The following CSMD2 variants were observed in gnomAD, a reference collection of about 807,000 sequenced individuals.
CSMD2 encodes CUB and sushi domain-containing protein 2.
Under a neutral mutation model 398.5 loss-of-function variants are expected in CSMD2, and 130 were observed. The observed-to-expected ratio is 0.33, with a 90% CI of 0.28 to 0.38. The LOEUF (loss-of-function observed/expected upper bound fraction) is 0.38. CSMD2 is among the 10% of genes least tolerant of loss of function. CSMD2 has a pLI of 1.00. For missense variants in CSMD2, 3,829 were observed against 4,764.9 expected, an observed-to-expected ratio of 0.80 and a Z score of 5.78; for synonymous variants, 1,828 against 1,908.5, an observed-to-expected ratio of 0.96 and a Z score of 1.10.
intron 14 of CSMD2, among the ~76,000 whole-genome samples, chr1:33,741,989 A>G (rs1166325685): frequency 6.6e-6 from 1 of 152,232 alleles, no homozygotes; most frequent in Non-Finnish European, 1.5e-5. Flanking sequence ...AGCACACACC[A>G]GGCCCTGTGC....
At chr1:34,072,551 T>A (rs921694267) in intron 2 of CSMD2, among the ~76,000 whole-genome samples, 1 of 152,202 alleles carries the variant, frequency 6.6e-6, no homozygotes, top group Non-Finnish European at 1.5e-5. Flanking sequence ...CAATATCTCA[T>A]GATACTGCAG....
At chr1:33,702,564 A>G (rs1313736515) in intron 22 of CSMD2, among the ~76,000 whole-genome samples, 1 of 152,186 alleles carries the variant, frequency 6.6e-6, no homozygotes, top group East Asian at 1.9e-4. Context: ...TTCCTTGCAT[A>G]AATTTATGTT....
intron 15 of CSMD2, among the ~76,000 whole-genome samples, 170 bp from the exon 16 acceptor site, chr1:33,726,855 C>T (rs1443486023): frequency 1.3e-5 from 2 of 152,082 alleles, no homozygotes; most frequent in Non-Finnish European, 2.9e-5. Context: ...ATGGGTAGGT[C>T]CAGTTATATC....
chr1:34,092,173 G>A (rs9425903), intron 1 of CSMD2, among the ~76,000 whole-genome samples: 1 of 151,954 alleles, frequency 6.6e-6, no homozygotes, highest in African/African-American at 2.4e-5. Context: ...GTGCAGGCAC[G>A]ATATGAAAAT....
At chr1:33,679,463 G>A (rs1436242384) in intron 25 of CSMD2, among the ~76,000 whole-genome samples, 1 of 152,174 alleles carries the variant, frequency 6.6e-6, no homozygotes, top group Admixed American at 6.5e-5. Context: ...GTCTCCCAAA[G>A]TGTTGGGATT....
intron 3 of CSMD2, among the ~76,000 whole-genome samples, chr1:33,947,133 G>A (rs1644863222): frequency 6.6e-6 from 1 of 152,220 alleles, no homozygotes; most frequent in Non-Finnish European, 1.5e-5. Context: ...CTCTGAACCT[G>A]GCTGGAGGGT....
intron 12 of CSMD2, among the ~76,000 whole-genome samples, chr1:33,777,123 T>C (rs1440683608): frequency 6.6e-6 from 1 of 152,128 alleles, no homozygotes; most frequent in Non-Finnish European, 1.5e-5. Flanking sequence ...CGAGCAAGCA[T>C]ACGAGCCCCT....
At chr1:33,897,674 A>G (rs1642479561) in intron 5 of CSMD2, among the ~76,000 whole-genome samples, 1 of 152,214 alleles carries the variant, frequency 6.6e-6, no homozygotes, top group Non-Finnish European at 1.5e-5. Flanking sequence ...GTACTGTGGA[A>G]TCACCCAGGC....
intron 6 of CSMD2, among the ~76,000 whole-genome samples, chr1:33,846,092 G>A (rs1661323653): frequency 6.6e-6 from 1 of 152,194 alleles, no homozygotes; most frequent in Non-Finnish European, 1.5e-5. Flanking sequence ...TTGAATAAAC[G>A]CAATGTCGAA....
chr1:33,889,034 T>C (rs1314755575), intron 5 of CSMD2, among the ~76,000 whole-genome samples: 1 of 152,122 alleles, frequency 6.6e-6, no homozygotes, highest in Non-Finnish European at 1.5e-5. Flanking sequence ...CCTCCCAAAG[T>C]GCTGGGATTA....
intron 5 of CSMD2, among the ~76,000 whole-genome samples, chr1:33,883,234 T>C (rs577209104): frequency 6.6e-6 from 1 of 152,346 alleles, no homozygotes; most frequent in Non-Finnish European, 1.5e-5. Flanking sequence ...AGGTGATATA[T>C]TGGTATATGT....
At chr1:33,531,607 T>C (rs1655239752) in intron 64 of CSMD2, among the ~76,000 whole-genome samples, 1 of 152,194 alleles carries the variant, frequency 6.6e-6, no homozygotes, top group African/African-American at 2.4e-5. Context: ...AAAAGTGATG[T>C]CCATATGATG....
chr1:33,529,485 A>G (rs76822940), intron 64 of CSMD2, among the ~76,000 whole-genome samples: 5,164 of 152,310 alleles, frequency 0.034, 142 homozygotes, highest in Middle Eastern at 0.065. Context: ...AAACTCATAC[A>G]TTTATGGTCA....
At chr1:34,106,676 CCTCAGGGA>C (rs1660556898) in intron 1 of CSMD2, among the ~76,000 whole-genome samples, 4 of 152,180 alleles carry the variant, frequency 2.6e-5, no homozygotes, top group Non-Finnish European at 5.9e-5. Flanking sequence ...AGTTGCTGTG[CCTCAGGGA>C]CCTGGATACA....
intron 10 of CSMD2, among the ~76,000 whole-genome samples, chr1:33,801,773 G>A (rs1655634974): frequency 6.6e-6 from 1 of 152,210 alleles, no homozygotes. Context: ...GCCTGGAGGA[G>A]AAGGGAAGGC....
intron 54 of CSMD2, among the ~76,000 whole-genome samples, chr1:33,558,992 C>A (rs1361367052): frequency 6.6e-6 from 1 of 152,066 alleles, no homozygotes; most frequent in African/African-American, 2.4e-5. Flanking sequence ...GAAAAATAAA[C>A]CTCTGTTAAA....
At chr1:33,904,995 G>C (rs1007426040) in intron 5 of CSMD2, among the ~76,000 whole-genome samples, 14 of 151,940 alleles carry the variant, frequency 9.2e-5, no homozygotes, top group African/African-American at 3.4e-4. Context: ...TTAAGAGACA[G>C]GGTCTCCCTA....
At chr1:34,161,079 G>T (rs917882131) in intron 1 of CSMD2, among the ~76,000 whole-genome samples, 1 of 152,168 alleles carries the variant, frequency 6.6e-6, no homozygotes, top group African/African-American at 2.4e-5. Flanking sequence ...GAAACTGACA[G>T]AATTTGATGA....
chr1:33,583,699 G>T lies in CSMD2; in HGVS notation c.7183C>A (p.Leu2395Ile). ...VRVEPDYNIS[L>I]TVEYFLSEKQ... Reference sequence around the variant, plus strand: ...TCGCTGAGGAAGTACTCCACTGTGAGGGAGATGTTATAGTCGGGCTCCACT... The same window carrying T: ...TCGCTGAGGAAGTACTCCACTGTGATGGAGATGTTATAGTCGGGCTCCACT... Residue 2395 changes from leucine (L) to isoleucine (I), a missense_variant, in exon 47 of 71, where the codon CTC (leucine) becomes ATC (isoleucine). Coordinates refer to ENST00000373381, the MANE Select transcript of CSMD2 (RefSeq NM_001281956.2). 1 of 1,614,196 alleles carries T rather than the reference G, an allele frequency of 6.2e-7. No homozygotes were observed. Among genetic ancestry groups the T allele is most frequent in the Non-Finnish European group, 8.5e-7 (1 of 1,180,024 alleles).
Sources: gnomAD v4.1 joint callset for allele counts (sites outside exome capture counted in the v4.1 genomes callset) on GRCh38, gnomAD v4.1.1 for gene constraint, MANE v1.5 for transcripts, NCBI Gene and HGNC (gene_info 2026-07-23, HGNC 2026-07-21) for gene names.